RASEF: variants seen among roughly 807,000 people sequenced by gnomAD.
The protein encoded by RASEF is ras and EF-hand domain-containing protein.
Under a neutral mutation model 90.1 loss-of-function variants are expected in RASEF, and 68 were observed. The observed-to-expected ratio is 0.75, with a 90% CI of 0.62 to 0.92. The LOEUF (loss-of-function observed/expected upper bound fraction) is 0.92. RASEF is among the 40% of genes least tolerant of loss of function. RASEF has a pLI of 0.00. For missense variants in RASEF, 949 were observed against 937.2 expected, an observed-to-expected ratio of 1.01 and a Z score of -0.16; for synonymous variants, 331 against 345.2, an observed-to-expected ratio of 0.96 and a Z score of 0.46.
intron 1 of RASEF, among the ~76,000 whole-genome samples, chr9:83,033,576 G>T (rs1025714117): frequency 1.3e-5 from 2 of 152,204 alleles, no homozygotes; most frequent in Admixed American, 6.5e-5. Context: ...CGCACTGAAG[G>T]GGGTCGGCGG....
the RASEF span, among the ~76,000 whole-genome samples, chr9:83,084,166 G>A: frequency 0.021 from 3,150 of 152,090 alleles, 91 homozygotes; most frequent in African/African-American, 0.072. Context: ...TACTGTAATA[G>A]TGCCATATCT....
chr9:83,144,384 AAAGAAAG>A, the RASEF span, among the ~76,000 whole-genome samples: 4 of 49,886 alleles, frequency 8.0e-5, no homozygotes, highest in African/African-American at 4.5e-4. Context: ...AGAAAGAAAG[AAAGAAAG>A]GAAAGAAAGA....
the RASEF span, among the ~76,000 whole-genome samples, chr9:83,208,372 G>T: frequency 6.6e-6 from 1 of 152,174 alleles, no homozygotes; most frequent in Non-Finnish European, 1.5e-5. Flanking sequence ...CCCCTTCTGA[G>T]AGTTCTCTTC....
At chr9:83,187,258 A>G in the RASEF span, among the ~76,000 whole-genome samples, 1 of 152,014 alleles carries the variant, frequency 6.6e-6, no homozygotes, top group East Asian at 1.9e-4. Context: ...TCTTGTCTCT[A>G]AGGGCAAGTG....
At chr9:83,045,497 T>C (rs1388825190) in intron 1 of RASEF, among the ~76,000 whole-genome samples, 1 of 152,270 alleles carries the variant, frequency 6.6e-6, no homozygotes, top group Non-Finnish European at 1.5e-5. Flanking sequence ...AATGGATTTC[T>C]GAACTTTTGT....
At chr9:83,144,306 A>T in the RASEF span, among the ~76,000 whole-genome samples, 1 of 135,806 alleles carries the variant, frequency 7.4e-6, no homozygotes, top group Non-Finnish European at 1.6e-5. Context: ...ATGAAAGCTG[A>T]CACTAAAAGA....
At chr9:83,145,937 G>T in the RASEF span, among the ~76,000 whole-genome samples, 1 of 152,008 alleles carries the variant, frequency 6.6e-6, no homozygotes, top group South Asian at 2.1e-4. Context: ...CCCTAGGTCT[G>T]AGTTTTCTGA....
At chr9:83,089,166 CA>C in the RASEF span, among the ~76,000 whole-genome samples, 3 of 151,824 alleles carry the variant, frequency 2.0e-5, no homozygotes, top group Non-Finnish European at 2.9e-5. Context: ...TAATAGTATA[CA>C]AAAAAATTGC....
intron 3 of RASEF, among the ~76,000 whole-genome samples, chr9:83,017,321 TAAAA>T (rs1174147161): frequency 4.7e-5 from 6 of 128,206 alleles, no homozygotes; most frequent in South Asian, 2.4e-4. Context: ...TCGTCTCTAC[TAAAA>T]AAAAAAAAAA....
the RASEF span, among the ~76,000 whole-genome samples, chr9:83,151,869 CT>C: frequency 6.6e-5 from 10 of 152,036 alleles, no homozygotes; most frequent in Non-Finnish European, 1.3e-4. Flanking sequence ...ACAATAGAGA[CT>C]TTTTTTTCCT....
At chr9:83,146,331 T>A in the RASEF span, among the ~76,000 whole-genome samples, 1 of 151,866 alleles carries the variant, frequency 6.6e-6, no homozygotes, top group Admixed American at 6.6e-5. Flanking sequence ...AAAGTGTGAT[T>A]CTTAATTAAA....
chr9:83,061,661 T>A (rs1438918015), intron 1 of RASEF, among the ~76,000 whole-genome samples: 2 of 152,178 alleles, frequency 1.3e-5, no homozygotes, highest in Non-Finnish European at 2.9e-5. Flanking sequence ...AGGCATCCCC[T>A]TACCTCCTGA....
At chr9:83,031,295 C>T (rs1006274503) in intron 1 of RASEF, among the ~76,000 whole-genome samples, 2 of 152,060 alleles carry the variant, frequency 1.3e-5, no homozygotes, top group African/African-American at 2.4e-5. Flanking sequence ...CATTTATGAG[C>T]GGGTAAGTCT....
chr9:83,000,085 C>T lies in RASEF; in HGVS notation c.1723+84G>A, dbSNP rs529386029. On this transcript the variant is annotated intron_variant, in intron 12 of 16. Coordinates refer to ENST00000376447, the MANE Select transcript of RASEF (RefSeq NM_152573.4). ...GAGAAAGAGAAAACTGTTAACTGAG[C>T]ATCTGTGTATGTAATCCCTGAAGAA... 18 of 1,205,400 alleles carry T rather than the reference C, an allele frequency of 1.5e-5. No individual in the cohort carries two copies. In the African/African-American group the frequency reaches 2.3e-4, roughly 15 times the overall value. The allele number at this position is 1,205,400 out of a possible 1,614,324, so 74.7% of individuals were successfully genotyped here. A position where few individuals can be genotyped will look rare whatever the true frequency, so the allele number is the denominator to read the frequency against.
intron 16 of RASEF, 108 bp from the exon 17 acceptor site, chr9:82,982,890 A>G: frequency 1.4e-6 from 1 of 736,176 alleles, no homozygotes; most frequent in Non-Finnish European, 2.5e-6. Flanking sequence ...AAAAATAGCC[A>G]TGCTGAGTGT....
intron 2 of RASEF, among the ~76,000 whole-genome samples, chr9:83,024,812 A>T (rs544360000): frequency 1.1e-3 from 165 of 152,316 alleles, no homozygotes; most frequent in African/African-American, 3.8e-3. Context: ...TGTGGATGGG[A>T]AGGATAAAGA....
At chr9:83,032,030 T>C (rs970794712) in intron 1 of RASEF, among the ~76,000 whole-genome samples, 48 of 152,256 alleles carry the variant, frequency 3.2e-4, no homozygotes, top group African/African-American at 1.0e-3. Context: ...TAGCAAAAGA[T>C]AGTACCTGGT....
At chr9:83,000,140 C>T in intron 12 of RASEF, 29 bp downstream of exon 12, 1 of 1,602,534 alleles carries the variant, frequency 6.2e-7, no homozygotes, top group South Asian at 1.1e-5. Context: ...AGGTCATTTT[C>T]CCATTATCAA....
chr9:83,030,474 A>G (rs1336288639), intron 1 of RASEF, among the ~76,000 whole-genome samples: 1 of 152,196 alleles, frequency 6.6e-6, no homozygotes, highest in East Asian at 1.9e-4. Context: ...AAATTTCTAA[A>G]ATGAGAAAGA....
Sources: allele counts gnomAD v4.1 joint callset (sites outside exome capture counted in the v4.1 genomes callset), GRCh38; gene constraint gnomAD v4.1.1; transcripts MANE v1.5; gene names NCBI Gene and HGNC (gene_info 2026-07-23, HGNC 2026-07-21).